DUS2: variants seen among roughly 807,000 people sequenced by gnomAD.
The protein encoded by DUS2 is dihydrouridine synthase 2, also known as tRNA-dihydrouridine(20) synthase [NAD(P)+]-like.
Under a neutral mutation model 71.3 loss-of-function variants are expected in DUS2, and 52 were observed. The ratio of observed to expected loss-of-function variants is 0.73; its 90% CI spans 0.58 to 0.92. DUS2 has a LOEUF of 0.92. DUS2 is among the 40% of genes least tolerant of loss of function. DUS2 has a pLI of 0.00. For synonymous variants in DUS2, 204 were observed against 227.8 expected (o/e 0.90, Z 0.94); for missense variants, 558 against 622.6 (o/e 0.90, Z 1.10).
At chr16:68,037,313 G>A (rs938794328) in intron 2 of DUS2, among the ~76,000 whole-genome samples, 5 of 152,004 alleles carry the variant, frequency 3.3e-5, no homozygotes, top group African/African-American at 1.2e-4. Flanking sequence ...GCCAGGTGCA[G>A]TGGCTCATGC....
At chr16:68,068,808 C>T (rs1179256893) in intron 10 of DUS2, among the ~76,000 whole-genome samples, 1 of 149,468 alleles carries the variant, frequency 6.7e-6, no homozygotes, top group Non-Finnish European at 1.5e-5. Flanking sequence ...CCATGTTGGC[C>T]AGGCTGGTCT....
chr16:68,039,394 T>C (rs1024293560), intron 3 of DUS2, among the ~76,000 whole-genome samples: 1 of 151,738 alleles, frequency 6.6e-6, no homozygotes, highest in Non-Finnish European at 1.5e-5. Flanking sequence ...AAAACCAGCC[T>C]TGGCAACATA....
intron 2 of DUS2, among the ~76,000 whole-genome samples, chr16:68,033,418 CA>C (rs1432287153): frequency 6.6e-6 from 1 of 152,044 alleles, no homozygotes; most frequent in Admixed American, 6.6e-5. Context: ...GACTGGTTAA[CA>C]TGTTCTCTTC....
intron 6 of DUS2, among the ~76,000 whole-genome samples, chr16:68,055,762 C>A (rs911428606): frequency 6.6e-6 from 1 of 151,248 alleles, no homozygotes; most frequent in Admixed American, 6.6e-5. Context: ...GTTATTGCTG[C>A]TGATCACGGA....
At chr16:68,037,264 A>T (rs2033544964) in intron 2 of DUS2, among the ~76,000 whole-genome samples, 1 of 151,452 alleles carries the variant, frequency 6.6e-6, no homozygotes, top group South Asian at 2.1e-4. Context: ...ATGTATGTGC[A>T]TGTATACTAA....
intron 7 of DUS2, 86 bp downstream of exon 7, chr16:68,056,510 T>C (rs1370008337): frequency 1.4e-5 from 16 of 1,105,410 alleles, no homozygotes; most frequent in Non-Finnish European, 2.0e-5. Context: ...TACCTAACTC[T>C]GGACTGGATT....
chr16:68,078,636 T>A (rs2034193078), intron 16 of DUS2, 113 bp from the exon 17 acceptor site: 1 of 1,483,862 alleles, frequency 6.7e-7, no homozygotes, highest in Non-Finnish European at 9.3e-7. Context: ...GGCAGTGGCA[T>A]CCCTGGATGG....
At chr16:68,036,566 G>A (rs1367900306) in intron 2 of DUS2, among the ~76,000 whole-genome samples, 1 of 152,044 alleles carries the variant, frequency 6.6e-6, no homozygotes, top group Non-Finnish European at 1.5e-5. Flanking sequence ...GCCTCCCAAA[G>A]TGCTAGGATT....
intron 2 of DUS2, among the ~76,000 whole-genome samples, chr16:68,029,936 G>C (rs1190446561): frequency 2.7e-5 from 4 of 150,622 alleles, no homozygotes; most frequent in Admixed American, 1.3e-4. Flanking sequence ...TGTAGAGGTG[G>C]TGTCTTATTA....
Position 68,038,099 on chromosome 16 carries a change from C to T in DUS2, c.76C>T (p.Pro26Ser). Reference sequence around the variant, plus strand: ...CCCAATGGTTCGGGTAGGGACTCTTCCAATGAGGCTGCTGGCCCTGGATTA... The same window carrying T: ...CCCAATGGTTCGGGTAGGGACTCTTTCAATGAGGCTGCTGGCCCTGGATTA... ...LAPMVRVGTLPMRLLALDYGA... is the reference protein window; with the variant it reads ...LAPMVRVGTLSMRLLALDYGA... Residue 26 changes from proline (P) to serine (S), a missense_variant, in exon 3 of 17, where the codon CCA becomes TCA. By Grantham distance (74) the Pro-to-Ser change is moderately conservative. Coordinates refer to ENST00000565263, the MANE Select transcript of DUS2 (RefSeq NM_017803.5). 6.2e-7 allele frequency: 1 copy of T among 1,613,884 alleles called. No homozygotes were observed. Among genetic ancestry groups the T allele is most frequent in the Non-Finnish European group, 8.5e-7 (1 of 1,179,912 alleles).
chr16:68,075,342 T>G lies in DUS2; in HGVS notation c.933-13T>G. The G allele has an allele frequency of 6.3e-7, 1 of 1,593,734 alleles. No homozygotes were observed. Among genetic ancestry groups the G allele is most frequent in the Non-Finnish European group, 8.6e-7 (1 of 1,169,172 alleles). ...GCTAAAGTGTTTGCTCTGATCTGCT[T>G]CTTCCTCCCTAGTGAGGCCTTTGGC... On this transcript the variant is annotated splice_polypyrimidine_tract_variant and intron_variant, in intron 13 of 16. Transcript: ENST00000565263.
At chr16:68,062,747 A>G (rs2033957690) in intron 8 of DUS2, among the ~76,000 whole-genome samples, 1 of 150,800 alleles carries the variant, frequency 6.6e-6, no homozygotes, top group Non-Finnish European at 1.5e-5. Flanking sequence ...AAAAGATCAT[A>G]TAGTAAATAA....
chr16:68,026,911 A>T (rs1268096533), intron 2 of DUS2: 1 of 146,326 alleles, frequency 6.8e-6, no homozygotes, highest in Non-Finnish European at 1.5e-5. Flanking sequence ...AGCTATGGCC[A>T]TGTTACCCTT....
chr16:68,078,420 G>A, intron 15 of DUS2, 25 bp from the exon 16 acceptor site: 1 of 1,611,290 alleles, frequency 6.2e-7, no homozygotes, highest in Non-Finnish European at 8.5e-7. Flanking sequence ...CTCTGGCCAT[G>A]TGATTCCTTT....
chr16:68,028,450 A>G (rs542288427), intron 2 of DUS2, among the ~76,000 whole-genome samples: 4 of 152,082 alleles, frequency 2.6e-5, no homozygotes, highest in East Asian at 3.8e-4. Context: ...TCTGGCCAAC[A>G]TGGTGAAACC....
At chr16:68,030,809 G>A (rs1384568828) in intron 2 of DUS2, among the ~76,000 whole-genome samples, 1 of 151,840 alleles carries the variant, frequency 6.6e-6, no homozygotes, top group Non-Finnish European at 1.5e-5. Flanking sequence ...ATGGCTCACT[G>A]CTGCATCGAA....
At chr16:68,040,151 C>T (rs1263336467) in intron 3 of DUS2, among the ~76,000 whole-genome samples, 1 of 151,158 alleles carries the variant, frequency 6.6e-6, no homozygotes, top group African/African-American at 2.4e-5. Flanking sequence ...GTGGCACAGT[C>T]TTGGCTCACT....
chr16:68,075,418 C>T lies in DUS2; in HGVS notation c.996C>T (p.Ala332=), dbSNP rs2034142889. The T allele has an allele frequency of 5.6e-6, 9 of 1,613,900 alleles. No homozygotes were observed. The East Asian group carries it at 1.8e-4, about 32-fold the overall frequency. The change falls in exon 14 of 17, where the codon GCC becomes GCT. Residue 332 remains alanine (A), a synonymous_variant. Transcript: ENST00000565263. ...CACAGGAGCTGGATGCCCAGCAGGC[C>T]AGGCTCTCAGCCAAGACTTCAGAGC... The part of the protein sequence containing the change: ...ETTQELDAQQ[A]RLSAKTSEQT...
At chr16:68,038,184 A>T in intron 3 of DUS2, 35 bp downstream of exon 3, 1 of 1,610,580 alleles carries the variant, frequency 6.2e-7, no homozygotes, top group Non-Finnish European at 8.5e-7. Context: ...GGGCTTCTCC[A>T]CAAGTACAGA....
Sources: allele counts gnomAD v4.1 joint callset (sites outside exome capture counted in the v4.1 genomes callset), GRCh38; gene constraint gnomAD v4.1.1; transcripts MANE v1.5; gene names NCBI Gene and HGNC (gene_info 2026-07-23, HGNC 2026-07-21).